Variants in BLTP3A observed in about 807,000 individuals in gnomAD.
BLTP3A encodes ICBP90 binding protein 1.
the BLTP3A span, among the ~76,000 whole-genome samples, chr6:34,857,168 G>T: frequency 6.6e-6 from 1 of 152,230 alleles, no homozygotes; most frequent in Admixed American, 6.5e-5. Flanking sequence ...CTCGCGTATA[G>T]TGCGAGGCAG....
At chr6:34,865,124 A>G in the BLTP3A span, among the ~76,000 whole-genome samples, 16 of 152,172 alleles carry the variant, frequency 1.1e-4, no homozygotes, top group African/African-American at 3.6e-4. Flanking sequence ...CGTCACCTCA[A>G]ATACTTACCA....
chr6:34,806,347 C>A, the BLTP3A span, among the ~76,000 whole-genome samples: 1 of 152,026 alleles, frequency 6.6e-6, no homozygotes, highest in Non-Finnish European at 1.5e-5. Context: ...TGGTTTGAGC[C>A]CATTAACCCT....
the BLTP3A span, chr6:34,836,205 G>A: frequency 6.2e-7 from 1 of 1,614,194 alleles, no homozygotes. Flanking sequence ...CAGGCATTTG[G>A]TGGCAGCCAG....
chr6:34,867,681 G>A, the BLTP3A span: 1 of 1,541,008 alleles, frequency 6.5e-7, no homozygotes, highest in Non-Finnish European at 8.7e-7. Flanking sequence ...AGATTAACTT[G>A]TACTTGTCAC....
chr6:34,871,583 GGAT>G, the BLTP3A span: 1 of 1,612,378 alleles, frequency 6.2e-7, no homozygotes, highest in Non-Finnish European at 8.5e-7. Context: ...CTTTCCTGCA[GGAT>G]GATATCCCCC....
At chr6:34,792,413 C>A in the BLTP3A span, 3 of 1,043,386 alleles carry the variant, frequency 2.9e-6, no homozygotes, top group Non-Finnish European at 3.9e-6. Context: ...GCCCGGACTC[C>A]GTGGCAGCCC....
chr6:34,841,090 C>T, the BLTP3A span, among the ~76,000 whole-genome samples: 285 of 152,268 alleles, frequency 1.9e-3, 3 homozygotes, highest in East Asian at 0.014. Flanking sequence ...TCGCCTAAGC[C>T]GCCTGGGTAG....
chr6:34,861,364 G>A, the BLTP3A span, among the ~76,000 whole-genome samples: 10 of 152,270 alleles, frequency 6.6e-5, no homozygotes, highest in Admixed American at 5.9e-4. Flanking sequence ...GGGCTCAAGC[G>A]ATTCACCCAC....
chr6:34,849,542 T>C, the BLTP3A span, among the ~76,000 whole-genome samples: 1 of 152,334 alleles, frequency 6.6e-6, no homozygotes, highest in South Asian at 2.1e-4. Context: ...TGAAAAGTTA[T>C]TGTAGTTATT....
chr6:34,798,860 A>G, the BLTP3A span, among the ~76,000 whole-genome samples: 11 of 152,110 alleles, frequency 7.2e-5, no homozygotes, highest in Non-Finnish European at 1.6e-4. Flanking sequence ...AATGACAATC[A>G]TGTACATTAA....
At chr6:34,815,037 C>T in the BLTP3A span, among the ~76,000 whole-genome samples, 15 of 152,240 alleles carry the variant, frequency 9.9e-5, no homozygotes, top group Non-Finnish European at 1.8e-4. Flanking sequence ...GCTTCATATC[C>T]GAACCTCATG....
the BLTP3A span, among the ~76,000 whole-genome samples, chr6:34,809,518 C>T: frequency 5.5e-4 from 84 of 152,266 alleles, 1 homozygote; most frequent in African/African-American, 2.0e-3. Flanking sequence ...GTTGAAAATC[C>T]ATGTATAACT....
At chr6:34,800,580 T>C in the BLTP3A span, among the ~76,000 whole-genome samples, 1 of 152,150 alleles carries the variant, frequency 6.6e-6, no homozygotes, top group Non-Finnish European at 1.5e-5. Flanking sequence ...AAGTATTTGC[T>C]ACTGGTTGTG....
the BLTP3A span, chr6:34,834,129 C>A: frequency 1.5e-6 from 2 of 1,357,100 alleles, no homozygotes; most frequent in South Asian, 2.7e-5. Flanking sequence ...ACTGTATTAT[C>A]ATTATAAAAT....
At chr6:34,870,765 C>T in the BLTP3A span, 16 of 1,470,222 alleles carry the variant, frequency 1.1e-5, no homozygotes, top group Non-Finnish European at 1.5e-5. Flanking sequence ...ATTCCTTTGA[C>T]ATAGGGTTAT....
At chr6:34,819,017 T>C in the BLTP3A span, among the ~76,000 whole-genome samples, 1 of 152,176 alleles carries the variant, frequency 6.6e-6, no homozygotes, top group South Asian at 2.1e-4. Flanking sequence ...GCATCTAATA[T>C]ATGTAAAGAC....
chr6:34,876,384 T>C, the BLTP3A span: 1 of 152,248 alleles, frequency 6.6e-6, no homozygotes. Flanking sequence ...TGCTTCCATT[T>C]AACTCACTTA....
At chr6:34,819,486 G>A in the BLTP3A span, among the ~76,000 whole-genome samples, 203 of 152,228 alleles carry the variant, frequency 1.3e-3, 1 homozygote, top group Middle Eastern at 0.02. Flanking sequence ...CCAGCATTCT[G>A]TTGGGTCATC....
the BLTP3A span, among the ~76,000 whole-genome samples, chr6:34,855,137 A>T: frequency 2.0e-5 from 3 of 152,240 alleles, no homozygotes; most frequent in Non-Finnish European, 4.4e-5. Flanking sequence ...TTGTACGTAT[A>T]GTATATAATC....
Sources: gnomAD v4.1 joint callset for allele counts (sites outside exome capture counted in the v4.1 genomes callset) on GRCh38, gnomAD v4.1.1 for gene constraint, MANE v1.5 for transcripts, NCBI Gene and HGNC (gene_info 2026-07-23, HGNC 2026-07-21) for gene names.